NSD3: variants seen among roughly 807,000 people sequenced by gnomAD.
NSD3 encodes nuclear receptor binding SET domain protein 3.
Under a neutral mutation model 160.8 loss-of-function variants are expected in NSD3, and 24 were observed. The observed-to-expected ratio is 0.15, with a 90% confidence interval of 0.11 to 0.21. The LOEUF is 0.21. Among genes scored for constraint, NSD3 ranks in the 10% least tolerant of loss-of-function variants. NSD3 has a pLI of 1.00. For synonymous variants in NSD3, 520 were observed against 600.0 expected (o/e 0.87, Z 1.95); for missense variants, 1,157 against 1,735.9 (o/e 0.67, Z 5.93).
intron 3 of NSD3, 23 bp downstream of exon 3, chr8:38,338,513 C>A (rs1352654460): frequency 6.3e-7 from 1 of 1,593,924 alleles, no homozygotes; most frequent in South Asian, 1.1e-5. Flanking sequence ...TTTGGTTAGA[C>A]AGTATTCAGT....
At chr8:38,335,020 T>C (rs1810180423) in intron 4 of NSD3, among the ~76,000 whole-genome samples, 1 of 148,418 alleles carries the variant, frequency 6.7e-6, no homozygotes, top group Non-Finnish European at 1.5e-5. Context: ...AGTCTCACTC[T>C]GTCACCCAGA....
At chr8:38,333,809 G>A (rs896428464) in intron 4 of NSD3, among the ~76,000 whole-genome samples, 5 of 152,148 alleles carry the variant, frequency 3.3e-5, no homozygotes, top group Non-Finnish European at 5.9e-5. Context: ...GGAGCTTGCA[G>A]TGAGCCGAGA....
At chr8:38,315,883 A>C in intron 10 of NSD3, 29 bp downstream of exon 10, 2 of 1,597,308 alleles carry the variant, frequency 1.3e-6, no homozygotes, top group South Asian at 2.3e-5. Flanking sequence ...AAGAAAGAAC[A>C]CTTTGTCCAG....
At chr8:38,309,564 G>A (rs560345634) in intron 12 of NSD3, among the ~76,000 whole-genome samples, 8 of 152,060 alleles carry the variant, frequency 5.3e-5, no homozygotes, top group African/African-American at 1.9e-4. Context: ...GGGGTGGGAG[G>A]ATCACCTGAG....
intron 14 of NSD3, among the ~76,000 whole-genome samples, chr8:38,302,647 C>T (rs1425268581): frequency 6.6e-6 from 1 of 152,196 alleles, no homozygotes; most frequent in Non-Finnish European, 1.5e-5. Context: ...GCTAGAGTTT[C>T]TATAAGCGTA....
intron 14 of NSD3, among the ~76,000 whole-genome samples, chr8:38,302,561 T>C (rs1809301834): frequency 6.6e-6 from 1 of 152,240 alleles, no homozygotes; most frequent in Non-Finnish European, 1.5e-5. Context: ...GATTCTGTTG[T>C]TAAACATGGG....
rs149487676 is a variant in NSD3, at chr8:38,285,907, G to A, written c.3501+2580C>T. On this transcript the variant is annotated intron_variant, in intron 19 of 23. Coordinates refer to ENST00000317025, the MANE Select transcript of NSD3 (RefSeq NM_023034.2). ...CGTCACCATTGTCTTTCTCCTGGGCGACTCTAATGGTCTCCCTTTATCGCT... is the reference window on the plus strand; with the variant it reads ...CGTCACCATTGTCTTTCTCCTGGGCAACTCTAATGGTCTCCCTTTATCGCT... 3.9e-3 allele frequency among the ~76,000 whole-genome samples: 592 copies of A among 152,174 alleles called. 1 individual carries two copies. Among genetic ancestry groups the A allele is most frequent in the African/African-American group, 0.014 (577 of 41,492 alleles).
rs182916398 is a variant in NSD3 at position 38,271,404 on chromosome 8, C to G, written c.*4237G>C. On this transcript the variant is annotated 3_prime_UTR_variant, in exon 24 of 24. Coordinates refer to ENST00000317025, the MANE Select transcript of NSD3 (RefSeq NM_023034.2). Reference sequence around the variant, plus strand: ...GTACCTGTGGTAAACATTATCCCCCCCCTTACCCTTTACCAGGAGAAAGGG... The same window carrying G: ...GTACCTGTGGTAAACATTATCCCCCGCCTTACCCTTTACCAGGAGAAAGGG... 6 of 152,056 alleles carry G rather than the reference C, an allele frequency of 3.9e-5. No individual in the cohort carries two copies. Among genetic ancestry groups the G allele is most frequent in the Non-Finnish European group, 8.8e-5 (6 of 68,014 alleles). 9.4% of individuals were successfully genotyped at this position (152,056 alleles called of 1,614,324 possible).
rs1391945966 is a variant in NSD3 at position 38,348,225 on chromosome 8, T to C, written c.-44-10A>G. On this transcript the variant is annotated splice_polypyrimidine_tract_variant and intron_variant, in intron 1 of 23. Coordinates refer to ENST00000317025, the MANE Select transcript of NSD3 (RefSeq NM_023034.2). ...CTTTCTCTCATCGGGCCTAAAATTATAAAAGAGGGGATTAGAAGGTGTTAC... is the reference window on the plus strand; with the variant it reads ...CTTTCTCTCATCGGGCCTAAAATTACAAAAGAGGGGATTAGAAGGTGTTAC... 1 of 1,509,472 alleles carries C rather than the reference T, an allele frequency of 6.6e-7. No homozygotes were observed. The highest frequency in any genetic ancestry group is 8.8e-7 in the Non-Finnish European group (1 of 1,132,014). 93.5% of individuals were successfully genotyped at this position (1,509,472 alleles called of 1,614,324 possible). A position where few individuals can be genotyped will look rare whatever the true frequency, so the allele number is the denominator to read the frequency against.
chr8:38,275,979 G>T, intron 23 of NSD3, 97 bp from the exon 24 acceptor site: 2 of 1,075,660 alleles, frequency 1.9e-6, no homozygotes, highest in Non-Finnish European at 2.7e-6. Flanking sequence ...TCTCTCATTG[G>T]AGATGGAATT....
intron 17 of NSD3, 56 bp from the exon 18 acceptor site, chr8:38,289,561 G>A: frequency 6.6e-7 from 1 of 1,510,648 alleles, no homozygotes; most frequent in Non-Finnish European, 9.1e-7. Flanking sequence ...GAAAATTGAT[G>A]GGATAGTAGT....
rs902432440 is a variant in NSD3 at position 38,318,836 on chromosome 8, A to G, written c.1855+59T>C. ...GACAAAAATACATGAAGTACAAATA[A>G]TTCTTAAAAATTGGTTTTAATCAAG... On this transcript the variant is annotated intron_variant, in intron 9 of 23. Coordinates refer to ENST00000317025, the MANE Select transcript of NSD3 (RefSeq NM_023034.2). This position sits in a 1 kb window ranked among gnomAD's most constrained non-coding sequence, Gnocchi z 5.3. 3 of 1,501,552 alleles carry G rather than the reference A, an allele frequency of 2.0e-6. No individual in the cohort carries two copies. The highest frequency in any genetic ancestry group is 1.4e-5 in the African/African-American group (1 of 71,862). The allele number at this position is 1,501,552 out of a possible 1,614,324, so 93.0% of individuals were successfully genotyped here.
At chr8:38,313,352 A>T (rs1159882285) in intron 12 of NSD3, among the ~76,000 whole-genome samples, 1 of 152,216 alleles carries the variant, frequency 6.6e-6, no homozygotes, top group Non-Finnish European at 1.5e-5. Flanking sequence ...TTTAAATCAC[A>T]GAGTCATCAT....
chr8:38,331,913 T>G (rs1411265025), intron 4 of NSD3, among the ~76,000 whole-genome samples: 1 of 152,252 alleles, frequency 6.6e-6, no homozygotes, highest in African/African-American at 2.4e-5. Context: ...AAAAATATAA[T>G]TAATGATAGC....
At chr8:38,278,606 G>GACAGCAAAACTAC (rs1161204868) in intron 21 of NSD3, among the ~76,000 whole-genome samples, 194 bp from the exon 22 acceptor site, 5 of 152,154 alleles carry the variant, frequency 3.3e-5, no homozygotes, top group Non-Finnish European at 5.9e-5. Flanking sequence ...CAGGAACAAT[G>GACAGCAAAACTAC]ACAGCAAAAC....
At chr8:38,291,012 C>T (rs967761468) in intron 16 of NSD3, among the ~76,000 whole-genome samples, 5 of 152,018 alleles carry the variant, frequency 3.3e-5, no homozygotes, top group Non-Finnish European at 5.9e-5. Flanking sequence ...AGTCATGTTT[C>T]CCCCCAAACT....
chr8:38,301,984 A>G (rs935526734), intron 14 of NSD3, among the ~76,000 whole-genome samples: 7 of 152,380 alleles, frequency 4.6e-5, no homozygotes, highest in Non-Finnish European at 8.8e-5. Context: ...AGGAGATGCT[A>G]AAGAATGTGC....
At chr8:38,287,348 TA>T (rs1808885540) in intron 19 of NSD3, among the ~76,000 whole-genome samples, 1 of 152,186 alleles carries the variant, frequency 6.6e-6, no homozygotes, top group African/African-American at 2.4e-5. Context: ...AAGAATGAAG[TA>T]AAATCTATAT....
At chr8:38,276,209 C>G (rs766217760) in intron 23 of NSD3, 87 bp downstream of exon 23, 27 of 1,400,100 alleles carry the variant, frequency 1.9e-5, no homozygotes, top group Non-Finnish European at 2.7e-5. Flanking sequence ...TTCAACATTT[C>G]CTATCCCATG....
Sources: gnomAD v4.1 joint callset for allele counts (sites outside exome capture counted in the v4.1 genomes callset) on GRCh38, gnomAD v4.1.1 for gene constraint, Gnocchi (gnomAD v3.1) non-coding constraint, MANE v1.5 for transcripts, NCBI Gene and HGNC (gene_info 2026-07-23, HGNC 2026-07-21) for gene names.